Variants in CLUAP1 observed in about 807,000 individuals in gnomAD.
CLUAP1 encodes the protein intraflagellar transport 38, also known as clusterin-associated protein 1.
In CLUAP1, 50 loss-of-function variants were observed where a neutral mutation model predicts 55.0. The observed-to-expected ratio is 0.91, with a 90% CI of 0.72 to 1.15. CLUAP1 has a LOEUF of 1.15. CLUAP1 is among the 50% of genes most tolerant of loss of function. CLUAP1 has a pLI of 0.00. For missense variants in CLUAP1, 530 were observed against 507.6 expected, an observed-to-expected ratio of 1.04 and a Z score of -0.42; for synonymous variants, 195 against 175.4, an observed-to-expected ratio of 1.11 and a Z score of -0.88.
chr16:3,520,801 T>C (rs1285545621), intron 7 of CLUAP1, among the ~76,000 whole-genome samples: 3 of 152,200 alleles, frequency 2.0e-5, no homozygotes, highest in Non-Finnish European at 4.4e-5. Context: ...CGTTACCTCA[T>C]TGGAAATATA....
intron 7 of CLUAP1, among the ~76,000 whole-genome samples, chr16:3,520,363 C>T (rs1178089288): frequency 6.6e-6 from 1 of 151,810 alleles, no homozygotes; most frequent in African/African-American, 2.4e-5. Flanking sequence ...CAGAACAAGG[C>T]CGAGTAACAG....
intron 1 of CLUAP1, among the ~76,000 whole-genome samples, chr16:3,502,641 C>G (rs2037428926): frequency 6.6e-6 from 1 of 152,058 alleles, no homozygotes; most frequent in Non-Finnish European, 1.5e-5. Context: ...ATCCATGCAG[C>G]CACTGAGCAC....
chr16:3,522,405 C>G (rs1227414977), intron 7 of CLUAP1, among the ~76,000 whole-genome samples: 1 of 152,210 alleles, frequency 6.6e-6, no homozygotes, highest in East Asian at 1.9e-4. Flanking sequence ...CTCAGTTGAT[C>G]CACCCGCCTC....
chr16:3,535,231 G>C (rs1022683824), intron 11 of CLUAP1: 2 of 153,030 alleles, frequency 1.3e-5, no homozygotes, highest in Admixed American at 1.3e-4. Context: ...AGCAGTGCTG[G>C]GGTCAGTAGG....
chr16:3,511,288 C>T (rs770868799), intron 4 of CLUAP1, among the ~76,000 whole-genome samples: 9 of 152,080 alleles, frequency 5.9e-5, no homozygotes, highest in East Asian at 1.9e-4. Flanking sequence ...AGCAGGGAGA[C>T]GTTTATGTTT....
upstream of CLUAP1, among the ~76,000 whole-genome samples, chr16:3,498,844 G>C (rs2037338468): frequency 6.6e-6 from 1 of 151,942 alleles, no homozygotes; most frequent in African/African-American, 2.4e-5. Flanking sequence ...CTGGGTAACA[G>C]AGCGAGACTC....
At chr16:3,503,872 C>T (rs2037455217) in intron 1 of CLUAP1, among the ~76,000 whole-genome samples, 1 of 152,154 alleles carries the variant, frequency 6.6e-6, no homozygotes, top group Non-Finnish European at 1.5e-5. Context: ...GAAGTCTGAC[C>T]TGACTTGCAG....
intron 3 of CLUAP1, 87 bp from the exon 4 acceptor site, chr16:3,508,202 G>T: frequency 8.6e-7 from 1 of 1,158,162 alleles, no homozygotes; most frequent in Non-Finnish European, 1.2e-6. Context: ...TGTCAGCAGA[G>T]GCATTTTCAA....
intron 7 of CLUAP1, among the ~76,000 whole-genome samples, chr16:3,521,583 C>T (rs1454461692): frequency 2.6e-5 from 4 of 151,596 alleles, no homozygotes; most frequent in East Asian, 1.9e-4. Flanking sequence ...TACAGGCGGC[C>T]GCCACCACGC....
At position 3,537,716 on chromosome 16, in the gene CLUAP1, A is replaced by T. The variant is rs993254052; in HGVS notation, c.*1445A>T. ...ACGCTGCTTGTAAAAAGCGTACAGT[A>T]GGTCAGGCGTGGTGGCTCATGCCTG... On this transcript the variant is annotated 3_prime_UTR_variant, in exon 12 of 12. Coordinates refer to ENST00000576634, the MANE Select transcript of CLUAP1 (RefSeq NM_015041.3). The T allele has an allele frequency of 2.0e-5, 3 of 152,002 alleles. No homozygotes were observed. Among genetic ancestry groups the T allele is most frequent in the Admixed American group, 2.0e-4 (3 of 15,238 alleles). 9.4% of individuals were successfully genotyped at this position (152,002 alleles called of 1,614,324 possible).
chr16:3,535,251 G>C (rs59650529), intron 11 of CLUAP1: 2,945 of 153,046 alleles, frequency 0.019, 97 homozygotes, highest in African/African-American at 0.06. Flanking sequence ...GTGAGAGCCC[G>C]GGGGAACTGA....
At chr16:3,508,506 G>A (rs371850379) in intron 4 of CLUAP1, 38 bp downstream of exon 4, 43 of 1,495,516 alleles carry the variant, frequency 2.9e-5, no homozygotes, top group African/African-American at 1.6e-4. Context: ...GCGATGGAGC[G>A]TTGATTTCTT....
intron 1 of CLUAP1, among the ~76,000 whole-genome samples, chr16:3,503,250 G>A (rs968668091): frequency 2.0e-5 from 3 of 148,910 alleles, no homozygotes. Context: ...TGCAAGCTCC[G>A]CCTCCTGGGT....
chr16:3,526,366 C>G (rs1158312220), intron 8 of CLUAP1, 46 bp from the exon 9 acceptor site: 5 of 1,365,654 alleles, frequency 3.7e-6, no homozygotes, highest in Non-Finnish European at 5.0e-6. Flanking sequence ...ATAGAACAGT[C>G]CAGAAAAGGG....
rs1382446589 is a variant in CLUAP1 at position 3,529,686 on chromosome 16, AT to A, written c.929-880del. On this transcript the variant is annotated intron_variant, in intron 9 of 11. Coordinates refer to ENST00000576634, the MANE Select transcript of CLUAP1 (RefSeq NM_015041.3). ...TATATATTATTATATATTATATATT[AT>A]TATATATTATATATTATATATTATA... Among the ~76,000 whole-genome samples the A allele has an allele frequency of 4.6e-3, 81 of 17,718 alleles. 4 individuals carry two copies. Among genetic ancestry groups the A allele is most frequent in the African/African-American group, 0.028 (74 of 2,624 alleles). The allele number at this position is 17,718 out of a possible 152,430, so 11.6% of individuals were successfully genotyped here. A position where few individuals can be genotyped will look rare whatever the true frequency, so the allele number is the denominator to read the frequency against.
intron 5 of CLUAP1, among the ~76,000 whole-genome samples, chr16:3,514,768 T>C (rs1427077346): frequency 2.0e-5 from 3 of 152,210 alleles, no homozygotes; most frequent in Non-Finnish European, 4.4e-5. Context: ...TCTTAGGAGC[T>C]AATCACCTCC....
chr16:3,512,968 C>T lies in CLUAP1; in HGVS notation c.495+490C>T, dbSNP rs555111183. Among the ~76,000 whole-genome samples the T allele has an allele frequency of 7.9e-5, 12 of 152,184 alleles. No individual in the cohort carries two copies. The South Asian group carries it at 2.5e-3, about 32-fold the overall frequency. On this transcript the variant is annotated intron_variant, in intron 5 of 11. Coordinates refer to ENST00000576634, the MANE Select transcript of CLUAP1 (RefSeq NM_015041.3). The stretch of plus-strand genomic sequence containing the variant: ...GTGCTGGGATTACCGGTGTGAGCCA[C>T]CGCGCCCGGCACTGGTCTACCTTTA...
At chr16:3,505,546 CA>C (rs1230388490) in intron 2 of CLUAP1, among the ~76,000 whole-genome samples, 14,404 of 59,824 alleles carry the variant, frequency 0.24, 744 homozygotes, top group African/African-American at 0.4. Context: ...GACTCCGTCT[CA>C]AAAAAAAAAA....
chr16:3,527,554 G>A (rs996978403), intron 9 of CLUAP1, among the ~76,000 whole-genome samples: 2 of 151,958 alleles, frequency 1.3e-5, no homozygotes, highest in Non-Finnish European at 2.9e-5. Context: ...CCTTTCCCCG[G>A]GGGAGTTTAG....
Sources: allele counts gnomAD v4.1 joint callset (sites outside exome capture counted in the v4.1 genomes callset), GRCh38; gene constraint gnomAD v4.1.1; transcripts MANE v1.5; gene names NCBI Gene and HGNC (gene_info 2026-07-23, HGNC 2026-07-21).